Variants in TBC1D15 observed in about 807,000 individuals in gnomAD.
The protein encoded by TBC1D15 is GAP for RAB7.
A neutral mutation model predicts 95.4 loss-of-function variants in TBC1D15; 39 were observed. The ratio of observed to expected loss-of-function variants is 0.41; its 90% CI spans 0.32 to 0.53. The LOEUF (loss-of-function observed/expected upper bound fraction) is 0.53, where lower values mean the gene tolerates loss of function less well. TBC1D15 is among the 20% of genes least tolerant of loss of function. The pLI is 0.29. For missense variants in TBC1D15, 733 were observed against 794.3 expected (o/e 0.92, Z 0.93); for synonymous variants, 258 against 261.3 (o/e 0.99, Z 0.12).
chr12:71,852,212 C>T (rs1888006214), intron 1 of TBC1D15, among the ~76,000 whole-genome samples: 1 of 152,184 alleles, frequency 6.6e-6, no homozygotes, highest in Admixed American at 6.5e-5. Context: ...TTTACCTGGG[C>T]CCTTTTGAGT....
intron 6 of TBC1D15, among the ~76,000 whole-genome samples, chr12:71,893,829 G>A (rs1897657847): frequency 6.6e-6 from 1 of 152,030 alleles, no homozygotes; most frequent in Non-Finnish European, 1.5e-5. Flanking sequence ...AGATGACTAT[G>A]TAAAGTAATG....
chr12:71,857,098 TTAAA>T (rs1033163358), intron 1 of TBC1D15, among the ~76,000 whole-genome samples: 5 of 150,066 alleles, frequency 3.3e-5, no homozygotes, highest in African/African-American at 1.2e-4. Context: ...TTTAATTTTT[TTAAA>T]TTTATTATTT....
rs1302212860 is a variant in TBC1D15 at position 71,923,093 on chromosome 12, A to C, written c.1914A>C (p.Thr638=). 6.2e-7 allele frequency: 1 copy of C among 1,614,218 alleles called. No individual in the cohort carries two copies. Among genetic ancestry groups the C allele is most frequent in the Non-Finnish European group, 8.5e-7 (1 of 1,180,034 alleles). The change falls in exon 17 of 17, where the codon ACA becomes ACC. Residue 638 remains threonine, a synonymous_variant. Coordinates refer to ENST00000485960, the MANE Select transcript of TBC1D15 (RefSeq NM_001146213.3). The stretch of plus-strand genomic sequence containing the variant: ...ATGTTGTCATGACTCCTTGTCCTAC[A>C]TCTGCATTTCAAAGTAATGCCTTGC... ...DENVVMTPCP[T]SAFQSNALPT...
intron 16 of TBC1D15, among the ~76,000 whole-genome samples, chr12:71,922,065 A>G (rs1869579647): frequency 1.3e-5 from 2 of 151,846 alleles, no homozygotes; most frequent in South Asian, 4.2e-4. Flanking sequence ...CAGTGCATGC[A>G]CACCACTGTG....
intron 5 of TBC1D15, among the ~76,000 whole-genome samples, chr12:71,891,522 A>G (rs1377853734): frequency 1.3e-5 from 2 of 152,302 alleles, no homozygotes; most frequent in Non-Finnish European, 2.9e-5. Context: ...ATATTTTGGA[A>G]TACCAGTCTT....
intron 3 of TBC1D15, among the ~76,000 whole-genome samples, chr12:71,876,934 C>T (rs1042205597): frequency 4.6e-5 from 7 of 151,788 alleles, no homozygotes; most frequent in South Asian, 2.1e-4. Flanking sequence ...CCTCAGCCTC[C>T]GGAGTAGCTG....
chr12:71,877,626 T>C (rs1193543281), intron 3 of TBC1D15, among the ~76,000 whole-genome samples: 1 of 151,778 alleles, frequency 6.6e-6, no homozygotes, highest in East Asian at 1.9e-4. Context: ...AATTCACTTT[T>C]CTATTGCCTT....
intron 3 of TBC1D15, among the ~76,000 whole-genome samples, chr12:71,879,464 C>CT (rs1894691533): frequency 6.6e-6 from 1 of 152,134 alleles, no homozygotes; most frequent in Non-Finnish European, 1.5e-5. Context: ...TAATGTATAT[C>CT]TTTCCAGACT....
chr12:71,883,077 G>T (rs1214100032), intron 4 of TBC1D15, among the ~76,000 whole-genome samples: 1 of 151,590 alleles, frequency 6.6e-6, no homozygotes, highest in Non-Finnish European at 1.5e-5. Context: ...GTGCAACGAA[G>T]AATTTAATTT....
At position 71,924,218 on chromosome 12, in the gene TBC1D15, A is replaced by G. The variant is rs981962335; in HGVS notation, c.*1014A>G. The G allele has an allele frequency of 6.6e-6, 1 of 152,658 alleles. No homozygotes were observed. The highest frequency in any genetic ancestry group is 1.5e-5 in the Non-Finnish European group (1 of 68,026). The allele number at this position is 152,658 out of a possible 1,614,324, so 9.5% of individuals were successfully genotyped here. On this transcript the variant is annotated 3_prime_UTR_variant, in exon 17 of 17. Transcript: ENST00000485960. ...TGTTGTTTTTACCATGCAGTATTGC[A>G]TGATTTTAAGTTATGTGGAATTAAC...
intron 1 of TBC1D15, among the ~76,000 whole-genome samples, chr12:71,844,856 T>A (rs1354159858): frequency 6.6e-6 from 1 of 152,234 alleles, no homozygotes. Context: ...GCTAGTTTAG[T>A]CAGACACTTT....
intron 1 of TBC1D15, among the ~76,000 whole-genome samples, chr12:71,840,025 A>G (rs893259292): frequency 2.6e-5 from 4 of 152,108 alleles, no homozygotes; most frequent in African/African-American, 9.7e-5. Context: ...AAGGCCAGCT[A>G]GGCCTCGGCG....
chr12:71,887,594 C>G (rs1373683487), intron 5 of TBC1D15, among the ~76,000 whole-genome samples: 1 of 152,128 alleles, frequency 6.6e-6, no homozygotes, highest in East Asian at 1.9e-4. Context: ...GTTTTTTCTA[C>G]TTGGAATATT....
chr12:71,890,076 T>A (rs925526729), intron 5 of TBC1D15, among the ~76,000 whole-genome samples: 2 of 152,090 alleles, frequency 1.3e-5, no homozygotes, highest in African/African-American at 4.8e-5. Flanking sequence ...ATGCCTTTGC[T>A]ATTGTGAATT....
chr12:71,890,173 G>A (rs1896961833), intron 5 of TBC1D15, among the ~76,000 whole-genome samples: 1 of 152,118 alleles, frequency 6.6e-6, no homozygotes, highest in South Asian at 2.1e-4. Flanking sequence ...TTAAGTTAAA[G>A]TTCAAATAAA....
At chr12:71,889,470 A>C (rs1896844013) in intron 5 of TBC1D15, among the ~76,000 whole-genome samples, 1 of 152,208 alleles carries the variant, frequency 6.6e-6, no homozygotes, top group Non-Finnish European at 1.5e-5. Context: ...GTCACAAATT[A>C]TGCCCAAATA....
At chr12:71,854,743 C>A (rs935610081) in intron 1 of TBC1D15, 6 of 456,132 alleles carry the variant, frequency 1.3e-5, no homozygotes, top group Non-Finnish European at 2.2e-5. Flanking sequence ...GTATAATCTT[C>A]CAAAACAATT....
intron 1 of TBC1D15, among the ~76,000 whole-genome samples, chr12:71,865,021 C>G (rs1164433068): frequency 6.6e-6 from 1 of 152,190 alleles, no homozygotes; most frequent in Non-Finnish European, 1.5e-5. Context: ...TCATTTTCCT[C>G]ACAACAGGAG....
chr12:71,847,219 A>C (rs1313568600), intron 1 of TBC1D15, among the ~76,000 whole-genome samples: 1 of 152,208 alleles, frequency 6.6e-6, no homozygotes, highest in South Asian at 2.1e-4. Context: ...CCATCACTCC[A>C]TGTGTCCTCA....
Sources: gnomAD v4.1 joint callset for allele counts (sites outside exome capture counted in the v4.1 genomes callset) on GRCh38, gnomAD v4.1.1 for gene constraint, MANE v1.5 for transcripts, NCBI Gene and HGNC (gene_info 2026-07-23, HGNC 2026-07-21) for gene names.